The following GRIK3 variants were observed in gnomAD, a reference collection of about 807,000 sequenced individuals.
GRIK3 encodes glutamate ionotropic receptor kainate type subunit 3.
A neutral mutation model predicts 102.5 loss-of-function variants in GRIK3; 29 were observed. The observed-to-expected ratio is 0.28, with a 90% CI of 0.21 to 0.39. The LOEUF (loss-of-function observed/expected upper bound fraction) is 0.39, where lower values mean the gene tolerates loss of function less well. Among genes scored for constraint, GRIK3 ranks in the 10% least tolerant of loss-of-function variants. The pLI is 1.00. For missense variants in GRIK3, 908 were observed against 1,252.4 expected, an observed-to-expected ratio of 0.73 and a Z score of 4.15; for synonymous variants, 511 against 504.9, an observed-to-expected ratio of 1.01 and a Z score of -0.16.
intron 1 of GRIK3, among the ~76,000 whole-genome samples, chr1:37,001,783 G>A (rs1414250388): frequency 6.6e-6 from 1 of 152,206 alleles, no homozygotes; most frequent in Non-Finnish European, 1.5e-5. Flanking sequence ...GGATACACAG[G>A]TAGGGGAGAA....
chr1:36,848,757 T>G (rs1366639524), intron 9 of GRIK3, among the ~76,000 whole-genome samples: 1 of 151,082 alleles, frequency 6.6e-6, no homozygotes, highest in Non-Finnish European at 1.5e-5. Flanking sequence ...ATTTGTTTAT[T>G]TTCATCCTTT....
chr1:36,821,582 C>T (rs1407561766), intron 11 of GRIK3, among the ~76,000 whole-genome samples: 1 of 152,230 alleles, frequency 6.6e-6, no homozygotes, highest in African/African-American at 2.4e-5. Context: ...CCAGACACCA[C>T]CGGGTCCCAG....
rs141430995 is a variant in GRIK3, at chr1:37,020,039, C to T, written c.115+13955G>A. ...TTCCTCAGAGGCAAGTGAAACAATT[C>T]CTCTGACTCTATCATTCTAACACTC... On this transcript the variant is annotated intron_variant, in intron 1 of 15. Transcript: ENST00000373091. Among the ~76,000 whole-genome samples, 752 of 152,302 alleles carry T rather than the reference C, an allele frequency of 4.9e-3. 7 individuals carry two copies. The highest frequency in any genetic ancestry group is 0.017 in the African/African-American group (726 of 41,568).
chr1:36,982,456 T>C (rs1352249413), intron 1 of GRIK3, among the ~76,000 whole-genome samples: 1 of 152,198 alleles, frequency 6.6e-6, no homozygotes, highest in African/African-American at 2.4e-5. Context: ...ACTTAATGTG[T>C]GGCATATGGA....
rs567805961 is a variant in GRIK3 at position 36,960,938 on chromosome 1, G to A, written c.116-69842C>T. ...CAGAGAGGAAAGAGTGCTGATTTGGGATTCATCAGGGAAGCACAACACATA... is the reference window on the plus strand; with the variant it reads ...CAGAGAGGAAAGAGTGCTGATTTGGAATTCATCAGGGAAGCACAACACATA... On this transcript the variant is annotated intron_variant, in intron 1 of 15. Coordinates refer to ENST00000373091, the MANE Select transcript of GRIK3 (RefSeq NM_000831.4). Among the ~76,000 whole-genome samples, 3 of 152,308 alleles carry A rather than the reference G, an allele frequency of 2.0e-5. No individual in the cohort carries two copies. In the East Asian group the frequency reaches 5.8e-4, roughly 29 times the overall value.
At chr1:36,812,088 G>A (rs567610211) in intron 13 of GRIK3, among the ~76,000 whole-genome samples, 1 of 152,066 alleles carries the variant, frequency 6.6e-6, no homozygotes, top group African/African-American at 2.4e-5. Context: ...ATGTGAGAGA[G>A]GCCAGCAGAT....
chr1:36,812,040 C>G (rs1642568261), intron 13 of GRIK3, among the ~76,000 whole-genome samples: 1 of 151,986 alleles, frequency 6.6e-6, no homozygotes, highest in South Asian at 2.1e-4. Flanking sequence ...ATTTTGGTCC[C>G]CCTACCTGCT....
intron 1 of GRIK3, among the ~76,000 whole-genome samples, chr1:36,943,731 A>G (rs1220108574): frequency 1.3e-5 from 2 of 152,236 alleles, no homozygotes; most frequent in African/African-American, 2.4e-5. Flanking sequence ...TCATTAATTT[A>G]TGGTCTACTC....
chr1:36,830,810 CAAAAAAAAAAAAAAAA>C (rs948901521), intron 10 of GRIK3, among the ~76,000 whole-genome samples: 4 of 41,354 alleles, frequency 9.7e-5, no homozygotes, highest in Admixed American at 6.4e-4. Context: ...GACTCTGTCT[CAAAAAAAAAAAAAAAA>C]AAAAAAAAAA....
chr1:36,882,589 A>T (rs1640993647), intron 2 of GRIK3, among the ~76,000 whole-genome samples: 1 of 152,214 alleles, frequency 6.6e-6, no homozygotes, highest in African/African-American at 2.4e-5. Flanking sequence ...TCGCACCCAG[A>T]AAACCACTCA....
At chr1:36,937,237 G>T (rs1388781111) in intron 1 of GRIK3, among the ~76,000 whole-genome samples, 1 of 152,168 alleles carries the variant, frequency 6.6e-6, no homozygotes, top group Non-Finnish European at 1.5e-5. Context: ...CACAGAGTGG[G>T]ATGGGGAGAC....
intron 3 of GRIK3, among the ~76,000 whole-genome samples, chr1:36,878,794 G>A (rs1456106825): frequency 1.3e-5 from 2 of 152,216 alleles, no homozygotes; most frequent in Non-Finnish European, 2.9e-5. Flanking sequence ...TTGGGACTCA[G>A]TTTCCTCATT....
In GRIK3 at chr1:36,801,697, C is replaced by A; in HGVS notation, c.*154G>T. The A allele has an allele frequency of 1.8e-6, 1 of 557,366 alleles. No individual in the cohort carries two copies. The highest frequency in any genetic ancestry group is 3.0e-6 in the Non-Finnish European group (1 of 333,120). 34.5% of individuals were successfully genotyped at this position (557,366 alleles called of 1,614,324 possible). On this transcript the variant is annotated 3_prime_UTR_variant, in exon 16 of 16. Coordinates refer to ENST00000373091, the MANE Select transcript of GRIK3 (RefSeq NM_000831.4). The stretch of plus-strand genomic sequence containing the variant: ...AGCAGCTGGCCTGAGAGCCTGCTGG[C>A]TTCCTGGCAGGTAAGGGCAGGAGGC...
chr1:36,859,920 A>G lies in GRIK3; in HGVS notation c.884T>C (p.Ile295Thr), dbSNP rs1375518454. The G allele has an allele frequency of 6.2e-7, 1 of 1,613,802 alleles. No individual in the cohort carries two copies. Among genetic ancestry groups the G allele is most frequent in the Non-Finnish European group, 8.5e-7 (1 of 1,179,714 alleles). Residue 295 changes from isoleucine to threonine, a missense_variant, in exon 6 of 16, where the codon ATT (isoleucine) becomes ACT (threonine). Coordinates refer to ENST00000373091, the MANE Select transcript of GRIK3 (RefSeq NM_000831.4). ...CCGCTCCATGGACCACTTCTCCACA[A>G]TGGCCGAGACGTGTGGGTTGTCCAC... ...LNVDNPHVSA[I>T]VEKWSMERLQ... is the part of the protein sequence containing the mutation.
At chr1:36,977,401 G>A (rs922584154) in intron 1 of GRIK3, among the ~76,000 whole-genome samples, 33 of 152,294 alleles carry the variant, frequency 2.2e-4, no homozygotes, top group African/African-American at 7.7e-4. Context: ...ATTCTAATAT[G>A]AGAGCACTCT....
intron 1 of GRIK3, among the ~76,000 whole-genome samples, chr1:36,991,536 A>C (rs771409407): frequency 1.3e-5 from 2 of 152,102 alleles, no homozygotes; most frequent in Admixed American, 6.5e-5. Flanking sequence ...TACAACCTTC[A>C]TTTTACAGAT....
intron 1 of GRIK3, among the ~76,000 whole-genome samples, chr1:36,990,638 T>G (rs907115968): frequency 2.6e-5 from 4 of 152,168 alleles, no homozygotes; most frequent in African/African-American, 9.7e-5. Context: ...AAAATAAAAC[T>G]TATTCTATTT....
chr1:36,906,149 T>C (rs1262369784), intron 1 of GRIK3, among the ~76,000 whole-genome samples: 1 of 152,178 alleles, frequency 6.6e-6, no homozygotes, highest in African/African-American at 2.4e-5. Context: ...GGCTCCTGCT[T>C]TCAAGGAATG....
At chr1:36,992,120 C>G (rs1272105096) in intron 1 of GRIK3, among the ~76,000 whole-genome samples, 1 of 152,218 alleles carries the variant, frequency 6.6e-6, no homozygotes, top group South Asian at 2.1e-4. Flanking sequence ...TTACTCATAT[C>G]TCTAAGGATT....
Sources: gnomAD v4.1 joint callset for allele counts (sites outside exome capture counted in the v4.1 genomes callset) on GRCh38, gnomAD v4.1.1 for gene constraint, MANE v1.5 for transcripts, NCBI Gene and HGNC (gene_info 2026-07-23, HGNC 2026-07-21) for gene names.